The following PAWR variants were observed in gnomAD, a reference collection of about 807,000 sequenced individuals.
PAWR encodes the protein pro-apoptotic WT1 regulator.
PAWR carries 23 observed loss-of-function variants against 32.0 expected under a neutral mutation model. The observed-to-expected ratio is 0.72, with a 90% CI of 0.52 to 1.02. PAWR has a LOEUF of 1.02. Ranked by LOEUF, PAWR falls within the 50% of genes least tolerant of loss-of-function variation. PAWR has a pLI of 0.00. For missense variants in PAWR, 457 were observed against 437.7 expected (o/e 1.04, Z -0.39); for synonymous variants, 226 against 187.1 (o/e 1.21, Z -1.70).
intron 2 of PAWR, among the ~76,000 whole-genome samples, chr12:79,639,999 G>A (rs1469560149): frequency 6.6e-6 from 1 of 151,862 alleles, no homozygotes. Flanking sequence ...CCACCTCCTG[G>A]GTTCAAGTAA....
At chr12:79,650,561 G>A (rs1216697062) in intron 2 of PAWR, among the ~76,000 whole-genome samples, 1 of 152,048 alleles carries the variant, frequency 6.6e-6, no homozygotes, top group East Asian at 1.9e-4. Flanking sequence ...TGTTTTCTCT[G>A]TAAAAACAGA....
chr12:79,667,156 G>C (rs1416121537), intron 2 of PAWR, among the ~76,000 whole-genome samples: 1 of 152,180 alleles, frequency 6.6e-6, no homozygotes, highest in Non-Finnish European at 1.5e-5. Flanking sequence ...TGTCACAGGT[G>C]CATCCTTAAC....
At chr12:79,652,942 TACA>T (rs1262996325) in intron 2 of PAWR, among the ~76,000 whole-genome samples, 3 of 152,258 alleles carry the variant, frequency 2.0e-5, no homozygotes, top group South Asian at 2.1e-4. Flanking sequence ...TTTATCTGCC[TACA>T]ACAACAAAGT....
chr12:79,599,998 T>C (rs1206140532), intron 4 of PAWR, among the ~76,000 whole-genome samples: 4 of 152,232 alleles, frequency 2.6e-5, no homozygotes, highest in South Asian at 2.1e-4. Context: ...TTTGTACATG[T>C]CATGCCTGCA....
In PAWR at chr12:79,678,868, A is replaced by ATTT. The variant is rs11383561; in HGVS notation, c.516+10858_516+10860dup. 6.2e-3 allele frequency among the ~76,000 whole-genome samples: 793 copies of ATTT among 127,756 alleles called. 21 individuals carry two copies. Among genetic ancestry groups the ATTT allele is most frequent in the Middle Eastern group, 0.013 (3 of 230 alleles). 83.8% of individuals were successfully genotyped at this position (127,756 alleles called of 152,430 possible). ...CTTAATTAATGGCTCCCTTTAGGGT[A>ATTT]TTTTTTTTTTTTTTTTGGCGGGGGT... On this transcript the variant is annotated intron_variant, in intron 2 of 6. Transcript: ENST00000328827.
At chr12:79,614,389 G>C (rs1874627511) in intron 3 of PAWR, among the ~76,000 whole-genome samples, 1 of 151,816 alleles carries the variant, frequency 6.6e-6, no homozygotes, top group Non-Finnish European at 1.5e-5. Context: ...TGTGCATATA[G>C]TAATTAGTTC....
At chr12:79,597,196 C>T (rs1873794893) in intron 4 of PAWR, 2 of 152,108 alleles carry the variant, frequency 1.3e-5, no homozygotes, top group Non-Finnish European at 2.9e-5. Flanking sequence ...GTAGCTGGGA[C>T]TACACGTATG....
chr12:79,674,153 T>C (rs1878044077), intron 2 of PAWR, among the ~76,000 whole-genome samples: 1 of 152,090 alleles, frequency 6.6e-6, no homozygotes, highest in Non-Finnish European at 1.5e-5. Flanking sequence ...GACTTCACTA[T>C]ACGACAAGGC....
intron 4 of PAWR, among the ~76,000 whole-genome samples, chr12:79,601,755 G>C (rs950026419): frequency 8.5e-5 from 13 of 152,072 alleles, no homozygotes; most frequent in Non-Finnish European, 1.5e-4. Context: ...CATTATTTCT[G>C]AAGATCTTAA....
At chr12:79,660,213 A>G (rs1204209696) in intron 2 of PAWR, among the ~76,000 whole-genome samples, 1 of 152,226 alleles carries the variant, frequency 6.6e-6, no homozygotes, top group African/African-American at 2.4e-5. Context: ...AGAGTAGCCA[A>G]GGAAAATGAA....
chr12:79,606,359 TTAA>T (rs1385203773), intron 4 of PAWR, among the ~76,000 whole-genome samples: 5 of 152,192 alleles, frequency 3.3e-5, no homozygotes, highest in Non-Finnish European at 7.3e-5. Flanking sequence ...GAATTACATC[TTAA>T]TAACAGGGAA....
chr12:79,677,030 T>C (rs1386928669), intron 2 of PAWR, among the ~76,000 whole-genome samples: 1 of 152,216 alleles, frequency 6.6e-6, no homozygotes, highest in Non-Finnish European at 1.5e-5. Flanking sequence ...TTTTCTGAGT[T>C]AGATTATAAA....
In PAWR at chr12:79,585,973, G is replaced by T. The variant is rs1339041539; in HGVS notation, c.*6634C>A. 6.6e-6 allele frequency: 1 copy of T among 152,086 alleles called. No homozygotes were observed. 9.4% of individuals were successfully genotyped at this position (152,086 alleles called of 1,614,324 possible). On this transcript the variant is annotated 3_prime_UTR_variant, in exon 7 of 7. Coordinates refer to ENST00000328827, the MANE Select transcript of PAWR (RefSeq NM_002583.4). ...TAGCCAGGCATATTGGTTTTAAAAGGGTTACAAGAAACAAGATGCACTTTT... is the reference window on the plus strand; with the variant it reads ...TAGCCAGGCATATTGGTTTTAAAAGTGTTACAAGAAACAAGATGCACTTTT...
chr12:79,688,711 T>C (rs1175850302), intron 2 of PAWR, among the ~76,000 whole-genome samples: 4 of 152,156 alleles, frequency 2.6e-5, no homozygotes, highest in East Asian at 1.9e-4. Flanking sequence ...CCCTAACTTA[T>C]TGCAAATGCT....
chr12:79,688,292 A>AC (rs1878783367), intron 2 of PAWR: 1 of 152,062 alleles, frequency 6.6e-6, no homozygotes, highest in African/African-American at 2.4e-5. Flanking sequence ...GTGAAGTTTA[A>AC]CATCTGCCAA....
intron 2 of PAWR, among the ~76,000 whole-genome samples, chr12:79,633,014 G>C (rs1875785527): frequency 6.6e-6 from 1 of 151,948 alleles, no homozygotes; most frequent in South Asian, 2.1e-4. Context: ...CATGTCTGTA[G>C]TCTCAGTTAC....
At chr12:79,632,349 ATATATATATATATTTT>A (rs1875734121) in intron 2 of PAWR, among the ~76,000 whole-genome samples, 1 of 33,600 alleles carries the variant, frequency 3.0e-5, no homozygotes, top group African/African-American at 3.6e-4. Context: ...ATATATATAT[ATATATATATATATTTT>A]TTTTTTTTTT....
chr12:79,677,997 CA>C (rs1243850893), intron 2 of PAWR, among the ~76,000 whole-genome samples: 2 of 152,186 alleles, frequency 1.3e-5, no homozygotes, highest in Non-Finnish European at 2.9e-5. Context: ...TACCCCCAAA[CA>C]CTCAAATTTA....
intron 2 of PAWR, among the ~76,000 whole-genome samples, chr12:79,643,966 T>C (rs8176826): frequency 1.6e-3 from 242 of 152,292 alleles, no homozygotes; most frequent in African/African-American, 5.2e-3. Flanking sequence ...TGCTGCTCTA[T>C]AAATTTGCAC....
Sources: gnomAD v4.1 joint callset for allele counts (sites outside exome capture counted in the v4.1 genomes callset) on GRCh38, gnomAD v4.1.1 for gene constraint, MANE v1.5 for transcripts, NCBI Gene and HGNC (gene_info 2026-07-23, HGNC 2026-07-21) for gene names.